LIMCH1: variants seen among roughly 807,000 people sequenced by gnomAD.
The protein encoded by LIMCH1 is LIM and calponin homology domains-containing protein 1.
In LIMCH1, 113 loss-of-function variants were observed where a neutral mutation model predicts 176.5. That is an observed-to-expected ratio of 0.64 (90% CI 0.55 to 0.75). The LOEUF (loss-of-function observed/expected upper bound fraction) is 0.75. LIMCH1 is among the 30% of genes least tolerant of loss of function. The pLI is 0.00. For missense variants in LIMCH1, 1,674 were observed against 1,814.9 expected (o/e 0.92, Z 1.41); for synonymous variants, 619 against 645.9 (o/e 0.96, Z 0.63).
chr4:41,361,025 C>T (rs2051919975), intron 1 of LIMCH1: 2 of 845,554 alleles, frequency 2.4e-6, no homozygotes, highest in Non-Finnish European at 1.7e-6. Flanking sequence ...AGCCTTGCCT[C>T]CCCCCAACCG....
Position 41,393,873 on chromosome 4 carries a change from G to T in LIMCH1, c.96+32937G>T, listed in dbSNP as rs532117343. On this transcript the variant is annotated intron_variant, in intron 1 of 26. Transcript: ENST00000313860. ...AAATGTATCTTTATCCTCTGGCTTA[G>T]ACTTTTCCATCTTTAGGAGATGTAT... is the stretch of plus-strand genomic sequence containing the variant. 7.2e-5 allele frequency among the ~76,000 whole-genome samples: 11 copies of T among 152,224 alleles called. No homozygotes were observed. In the East Asian group the frequency reaches 1.7e-3, roughly 24 times the overall value.
At chr4:41,514,207 C>G (rs1284412000) in intron 2 of LIMCH1, among the ~76,000 whole-genome samples, 1 of 151,992 alleles carries the variant, frequency 6.6e-6, no homozygotes, top group Non-Finnish European at 1.5e-5. Flanking sequence ...AGGACTGGCC[C>G]TTACACTAGA....
intron 2 of LIMCH1, among the ~76,000 whole-genome samples, chr4:41,603,488 C>A (rs888657817): frequency 6.6e-6 from 1 of 152,166 alleles, no homozygotes; most frequent in Non-Finnish European, 1.5e-5. Flanking sequence ...GTTAAAAATA[C>A]TTGCATGAAG....
intron 1 of LIMCH1, among the ~76,000 whole-genome samples, chr4:41,579,701 T>TC (rs1393826291): frequency 1.3e-5 from 2 of 152,184 alleles, no homozygotes; most frequent in African/African-American, 4.8e-5. Context: ...TTTTCTCTCC[T>TC]CCCCCACTGT....
chr4:41,677,676 T>G (rs1448222882), intron 23 of LIMCH1, among the ~76,000 whole-genome samples: 1 of 152,182 alleles, frequency 6.6e-6, no homozygotes, highest in Non-Finnish European at 1.5e-5. Context: ...TATGTCTTAT[T>G]AGCCCTTGTT....
At chr4:41,453,254 G>A (rs1237644865) in intron 1 of LIMCH1, among the ~76,000 whole-genome samples, 1 of 152,188 alleles carries the variant, frequency 6.6e-6, no homozygotes, top group African/African-American at 2.4e-5. Flanking sequence ...CACATATACA[G>A]TTGGCCCTTG....
intron 15 of LIMCH1, 55 bp from the exon 16 acceptor site, chr4:41,646,068 A>C: frequency 6.5e-7 from 1 of 1,531,852 alleles, no homozygotes; most frequent in African/African-American, 1.4e-5. Flanking sequence ...GAAGAATAGA[A>C]ATGGAATTAT....
intron 1 of LIMCH1, among the ~76,000 whole-genome samples, chr4:41,480,362 A>T (rs1005004879): frequency 6.6e-6 from 1 of 152,186 alleles, no homozygotes; most frequent in Non-Finnish European, 1.5e-5. Flanking sequence ...TAATCCCAGC[A>T]CTTTGGGAGG....
intron 1 of LIMCH1, among the ~76,000 whole-genome samples, chr4:41,408,958 T>C (rs1581693172): frequency 6.6e-6 from 1 of 152,142 alleles, no homozygotes; most frequent in African/African-American, 2.4e-5. Context: ...TTAACTTTAG[T>C]TGTAGGAATC....
intron 1 of LIMCH1, among the ~76,000 whole-genome samples, chr4:41,549,089 T>C (rs2080014659): frequency 6.6e-6 from 1 of 151,988 alleles, no homozygotes; most frequent in African/African-American, 2.4e-5. Context: ...TTGGTCTCAC[T>C]ATGTTGCCTG....
intron 1 of LIMCH1, among the ~76,000 whole-genome samples, chr4:41,561,922 A>G (rs1018291373): frequency 3.3e-5 from 5 of 152,280 alleles, no homozygotes; most frequent in Non-Finnish European, 5.9e-5. Context: ...AATCTCCCCA[A>G]AGGCCTCTAA....
chr4:41,535,644 C>T (rs372748854), upstream of LIMCH1, among the ~76,000 whole-genome samples: 213 of 152,228 alleles, frequency 1.4e-3, 3 homozygotes, highest in African/African-American at 4.7e-3. Flanking sequence ...GTTCAAGATA[C>T]GAATTGGGGG....
At chr4:41,558,763 A>C (rs1297948429) in intron 1 of LIMCH1, among the ~76,000 whole-genome samples, 2 of 152,170 alleles carry the variant, frequency 1.3e-5, no homozygotes, top group African/African-American at 2.4e-5. Context: ...AAATTTAGAG[A>C]CCATTTTCTA....
chr4:41,520,685 T>C lies in LIMCH1; in HGVS notation c.168-3724T>C, dbSNP rs2076032963. 2.0e-5 allele frequency among the ~76,000 whole-genome samples: 3 copies of C among 152,166 alleles called. No individual in the cohort carries two copies. In the South Asian group the frequency reaches 6.2e-4, roughly 31 times the overall value. On this transcript the variant is annotated intron_variant, in intron 2 of 26. Coordinates refer to the LIMCH1 transcript ENST00000313860. Reference sequence around the variant, plus strand: ...TGGATAAACAGTAAATATCTGAAAATAGTTCCTTCTCATTGGCTCTTACAT... The same window carrying C: ...TGGATAAACAGTAAATATCTGAAAACAGTTCCTTCTCATTGGCTCTTACAT...
At chr4:41,452,555 A>G (rs1230220805) in intron 1 of LIMCH1, among the ~76,000 whole-genome samples, 1 of 152,168 alleles carries the variant, frequency 6.6e-6, no homozygotes, top group Non-Finnish European at 1.5e-5. Context: ...CCTTTATGAT[A>G]TTCTCCTAGC....
At chr4:41,523,233 A>G (rs768423132) in intron 2 of LIMCH1, among the ~76,000 whole-genome samples, 12 of 152,208 alleles carry the variant, frequency 7.9e-5, no homozygotes, top group Non-Finnish European at 1.5e-4. Context: ...CTTGGATTGC[A>G]TGAATTTTAA....
chr4:41,539,318 G>A (rs534613866), intron 1 of LIMCH1, among the ~76,000 whole-genome samples: 3 of 152,216 alleles, frequency 2.0e-5, no homozygotes, highest in East Asian at 1.9e-4. Context: ...CAGCAGTCCC[G>A]GGAGAAGGGG....
chr4:41,424,261 A>G (rs941189061), intron 1 of LIMCH1, among the ~76,000 whole-genome samples: 9 of 152,032 alleles, frequency 5.9e-5, no homozygotes, highest in African/African-American at 1.9e-4. Context: ...CTTGTTTTAT[A>G]TATACAGCAA....
At chr4:41,503,299 G>A (rs2073700332) in intron 2 of LIMCH1, among the ~76,000 whole-genome samples, 1 of 152,110 alleles carries the variant, frequency 6.6e-6, no homozygotes, top group Non-Finnish European at 1.5e-5. Context: ...CTTGCTTGGA[G>A]CCAGGACGTA....
Sources: allele counts gnomAD v4.1 joint callset (sites outside exome capture counted in the v4.1 genomes callset), GRCh38; gene constraint gnomAD v4.1.1; transcripts MANE v1.5; gene names NCBI Gene and HGNC (gene_info 2026-07-23, HGNC 2026-07-21).